The following P3H2 variants were observed in gnomAD, a reference collection of about 807,000 sequenced individuals.
P3H2 encodes leprecan-like 1.
In P3H2, 80 loss-of-function variants were observed where a neutral mutation model predicts 87.0. The observed-to-expected ratio is 0.92, with a 90% confidence interval of 0.77 to 1.11. P3H2 has a LOEUF of 1.11. Among genes scored for constraint, P3H2 ranks in the 50% least tolerant of loss-of-function variants. The pLI, the probability that P3H2 is intolerant of heterozygous loss-of-function variation, is 0.00. For missense variants in P3H2, 1,001 were observed against 923.9 expected, an observed-to-expected ratio of 1.08 and a Z score of -1.08; for synonymous variants, 367 against 359.3, an observed-to-expected ratio of 1.02 and a Z score of -0.24.
intron 8 of P3H2, among the ~76,000 whole-genome samples, chr3:189,976,701 G>A (rs2108911608): frequency 6.6e-6 from 1 of 152,246 alleles, no homozygotes; most frequent in South Asian, 2.1e-4. Context: ...CCATAACTGT[G>A]CCCATTGAAC....
At chr3:190,120,162 T>C (rs1348911107) in intron 1 of P3H2, 90 bp downstream of exon 1, 1 of 1,466,834 alleles carries the variant, frequency 6.8e-7, no homozygotes, top group Non-Finnish European at 9.3e-7. Context: ...TTCGAAAGAC[T>C]GAACAGAGAT....
In P3H2 at chr3:189,986,892, G is replaced by A; in HGVS notation, c.1099-15C>T. 1.3e-6 allele frequency: 2 copies of A among 1,553,852 alleles called. No homozygotes were observed. Among genetic ancestry groups the A allele is most frequent in the Non-Finnish European group, 8.9e-7 (1 of 1,125,488 alleles). On this transcript the variant is annotated splice_polypyrimidine_tract_variant and intron_variant, in intron 5 of 14. Coordinates refer to ENST00000319332, the MANE Select transcript of P3H2 (RefSeq NM_018192.4). The stretch of plus-strand genomic sequence containing the variant: ...ATTGTTAAATCCTAGAGAAAAAGAA[G>A]TAAAGAAAGACATTTTTTATTTAAA...
intron 1 of P3H2, among the ~76,000 whole-genome samples, chr3:190,027,805 G>C (rs890126952): frequency 1.8e-4 from 27 of 151,914 alleles, no homozygotes; most frequent in African/African-American, 6.3e-4. Flanking sequence ...GCTGGTGCAT[G>C]TATTTTGCAC....
At chr3:190,036,260 T>G (rs1264967660) in intron 1 of P3H2, among the ~76,000 whole-genome samples, 1 of 152,230 alleles carries the variant, frequency 6.6e-6, no homozygotes, top group African/African-American at 2.4e-5. Context: ...TTGAGAATTT[T>G]GCTCTTACCT....
At chr3:190,120,963 T>G, upstream of P3H2, 1 of 558,752 alleles carries the variant, frequency 1.8e-6, no homozygotes, top group Non-Finnish European at 2.9e-6. Context: ...TCCTGCTGCC[T>G]GAGACTCCGA....
intron 1 of P3H2, among the ~76,000 whole-genome samples, chr3:190,032,568 G>T (rs1725286197): frequency 6.6e-6 from 1 of 152,166 alleles, no homozygotes. Flanking sequence ...ACACATGAAG[G>T]TCAACTTTGG....
At chr3:189,995,857 A>T (rs889211547) in intron 1 of P3H2, among the ~76,000 whole-genome samples, 2 of 152,216 alleles carry the variant, frequency 1.3e-5, no homozygotes, top group African/African-American at 4.8e-5. Flanking sequence ...GTGTGAAAAA[A>T]TGCTCCACAT....
chr3:190,024,512 T>A (rs1205785714), intron 1 of P3H2, among the ~76,000 whole-genome samples: 2 of 107,176 alleles, frequency 1.9e-5, no homozygotes, highest in East Asian at 2.6e-4. Context: ...CACTGGGCAA[T>A]AGAGTGAGGT....
chr3:189,987,818 G>T, intron 4 of P3H2, 149 bp from the exon 5 acceptor site: 2 of 847,868 alleles, frequency 2.4e-6, no homozygotes, highest in Non-Finnish European at 3.8e-6. Flanking sequence ...AGCAGAAACA[G>T]TCACAGATAA....
chr3:190,036,915 A>G (rs1229714313), intron 1 of P3H2, among the ~76,000 whole-genome samples: 2 of 149,596 alleles, frequency 1.3e-5, no homozygotes, highest in Non-Finnish European at 3.0e-5. Context: ...ATTCTTTGAG[A>G]AACTATGTTG....
chr3:190,093,361 AC>A (rs944155521), intron 1 of P3H2, among the ~76,000 whole-genome samples: 24 of 152,246 alleles, frequency 1.6e-4, no homozygotes, highest in African/African-American at 5.3e-4. Context: ...CCTTCTATAC[AC>A]GTGACTAGCT....
chr3:190,022,249 T>C (rs1174452056), intron 1 of P3H2, among the ~76,000 whole-genome samples: 1 of 135,652 alleles, frequency 7.4e-6, no homozygotes, highest in Non-Finnish European at 1.7e-5. Context: ...GTAACATTTG[T>C]GACTTTAGCT....
chr3:190,018,243 C>T (rs1382829500), intron 1 of P3H2, among the ~76,000 whole-genome samples: 2 of 152,176 alleles, frequency 1.3e-5, no homozygotes, highest in Non-Finnish European at 2.9e-5. Flanking sequence ...TTCAATCTCT[C>T]TTGCATCTAG....
chr3:189,978,296 A>G (rs1723413771), intron 8 of P3H2, among the ~76,000 whole-genome samples: 1 of 152,218 alleles, frequency 6.6e-6, no homozygotes. Flanking sequence ...GTTAGCAAAA[A>G]TGAAATATTT....
intron 1 of P3H2, among the ~76,000 whole-genome samples, chr3:190,071,107 C>G (rs537210594): frequency 5.3e-5 from 8 of 152,290 alleles, no homozygotes; most frequent in African/African-American, 1.9e-4. Flanking sequence ...TATCATGTTA[C>G]AGGATGACAT....
At chr3:189,988,808 T>C in intron 4 of P3H2, 99 bp downstream of exon 4, 2 of 1,430,672 alleles carry the variant, frequency 1.4e-6, no homozygotes. Context: ...GCTTTCATAA[T>C]AAACTGAAGA....
chr3:190,004,438 A>G (rs887319669), intron 1 of P3H2, among the ~76,000 whole-genome samples: 3 of 152,168 alleles, frequency 2.0e-5, no homozygotes, highest in Non-Finnish European at 4.4e-5. Context: ...GCTGGAGTGC[A>G]GTGGCGGGAT....
chr3:190,076,463 C>T (rs2108976460), intron 1 of P3H2, among the ~76,000 whole-genome samples: 1 of 152,274 alleles, frequency 6.6e-6, no homozygotes, highest in South Asian at 2.1e-4. Flanking sequence ...AAAGATGAGG[C>T]AGCTATTACT....
chr3:190,096,104 A>G (rs975122492), intron 1 of P3H2, among the ~76,000 whole-genome samples: 1 of 152,232 alleles, frequency 6.6e-6, no homozygotes, highest in Non-Finnish European at 1.5e-5. Flanking sequence ...TACACAGAGC[A>G]CAAACAGAAT....
Sources: allele counts gnomAD v4.1 joint callset (sites outside exome capture counted in the v4.1 genomes callset), GRCh38; gene constraint gnomAD v4.1.1; transcripts MANE v1.5; gene names NCBI Gene and HGNC (gene_info 2026-07-23, HGNC 2026-07-21).